The following FUT9 variants were observed in gnomAD, a reference collection of about 807,000 sequenced individuals.
FUT9 encodes fucosyltransferase 9.
Under a neutral mutation model 29.7 loss-of-function variants are expected in FUT9, and 15 were observed. That is an observed-to-expected ratio of 0.51 (90% CI 0.34 to 0.78). FUT9 has a LOEUF of 0.78. FUT9 is among the 30% of genes least tolerant of loss of function. The probability of loss-of-function intolerance (pLI) is 0.01; values close to 1 mark genes in which losing one functional copy is unlikely to be tolerated. For missense variants in FUT9, 319 were observed against 425.4 expected (o/e 0.75, Z 2.20); for synonymous variants, 169 against 153.7 (o/e 1.10, Z -0.74).
chr6:96,032,791 C>T (rs891078449), intron 1 of FUT9, among the ~76,000 whole-genome samples: 2 of 151,570 alleles, frequency 1.3e-5, no homozygotes, highest in African/African-American at 4.8e-5. Flanking sequence ...GTGTTTCAGG[C>T]TCCTGATTTA....
rs186012786 is a variant in FUT9, at chr6:96,117,800, T to C, written c.-9+3673T>C. Among the ~76,000 whole-genome samples, 716 of 152,342 alleles carry C rather than the reference T, an allele frequency of 4.7e-3. 6 individuals are homozygous for C. Among genetic ancestry groups the C allele is most frequent in the Non-Finnish European group, 7.4e-3 (500 of 68,022 alleles). ...TCAATTTCCAGAAATAATCAAGCTC[T>C]TTCTCTTAATTTAAATAAAATTCTG... On this transcript the variant is annotated intron_variant, in intron 2 of 2. Coordinates refer to ENST00000302103, the MANE Select transcript of FUT9 (RefSeq NM_006581.4).
rs895176788 is a variant in FUT9, at chr6:96,154,517, T to C, written c.-9+40390T>C. Among the ~76,000 whole-genome samples the C allele has an allele frequency of 3.9e-5, 6 of 152,160 alleles. 1 individual carries two copies. The highest frequency in any genetic ancestry group is 2.6e-4 in the Admixed American group (4 of 15,268). On this transcript the variant is annotated intron_variant, in intron 2 of 2. Coordinates refer to ENST00000302103, the MANE Select transcript of FUT9 (RefSeq NM_006581.4). The stretch of plus-strand genomic sequence containing the variant: ...GTGAGACAGAATGTACATCTTAAAC[T>C]CTCTCAAGGAAAGTAAATGTATTAA...
intron 1 of FUT9, among the ~76,000 whole-genome samples, chr6:96,065,968 C>T (rs1770955214): frequency 6.6e-6 from 1 of 152,136 alleles, no homozygotes. Context: ...AAGTAGGATA[C>T]ATTTATCAAG....
intron 1 of FUT9, among the ~76,000 whole-genome samples, chr6:96,038,848 C>A (rs148474898): frequency 6.6e-6 from 1 of 152,172 alleles, no homozygotes; most frequent in African/African-American, 2.4e-5. Context: ...CTTCTTTGCA[C>A]CATCTACATG....
chr6:96,053,653 G>C (rs900592806), intron 1 of FUT9, among the ~76,000 whole-genome samples: 1 of 152,082 alleles, frequency 6.6e-6, no homozygotes, highest in Admixed American at 6.5e-5. Flanking sequence ...AGTTTGCAGT[G>C]AGCCGAGATC....
chr6:96,016,416 T>G (rs903122873), intron 1 of FUT9, among the ~76,000 whole-genome samples: 4 of 152,124 alleles, frequency 2.6e-5, no homozygotes. Flanking sequence ...CTCTCCGTCT[T>G]GGGGACAGCT....
chr6:96,204,775 G>A lies in FUT9; in HGVS notation c.*540G>A, dbSNP rs1773796864. 1 of 166,686 alleles carries A rather than the reference G, an allele frequency of 6.0e-6. No homozygotes were observed. The highest frequency in any genetic ancestry group is 1.5e-5 in the Non-Finnish European group (1 of 68,070). The allele number at this position is 166,686 out of a possible 1,614,324, so 10.3% of individuals were successfully genotyped here. ...TTTACCTGTTTATCACATTTGTGAA[G>A]GTGAAATTATTCATGGAGTGAATAA... On this transcript the variant is annotated 3_prime_UTR_variant, in exon 3 of 3. Coordinates refer to ENST00000302103, the MANE Select transcript of FUT9 (RefSeq NM_006581.4).
At chr6:96,110,667 C>T (rs994975412) in intron 1 of FUT9, among the ~76,000 whole-genome samples, 12 of 150,414 alleles carry the variant, frequency 8.0e-5, no homozygotes, top group Non-Finnish European at 1.3e-4. Flanking sequence ...AGGCTTTTTT[C>T]CTATTGTGCA....
At chr6:96,107,208 T>A (rs1011655398) in intron 1 of FUT9, among the ~76,000 whole-genome samples, 1 of 152,142 alleles carries the variant, frequency 6.6e-6, no homozygotes, top group Non-Finnish European at 1.5e-5. Flanking sequence ...TTCATACATG[T>A]CTTAAAACTT....
intron 1 of FUT9, among the ~76,000 whole-genome samples, chr6:96,086,455 T>C (rs1033862258): frequency 2.6e-5 from 4 of 152,212 alleles, no homozygotes; most frequent in African/African-American, 7.2e-5. Context: ...AATTTTGATA[T>C]AGTGAATCAA....
chr6:96,127,294 T>C (rs963347103), intron 2 of FUT9, among the ~76,000 whole-genome samples: 2 of 152,172 alleles, frequency 1.3e-5, no homozygotes, highest in African/African-American at 4.8e-5. Flanking sequence ...ACATGATACT[T>C]AGTTTCTTGT....
At chr6:96,082,196 AT>A (rs1161481165) in intron 1 of FUT9, among the ~76,000 whole-genome samples, 1 of 151,434 alleles carries the variant, frequency 6.6e-6, no homozygotes, top group East Asian at 1.9e-4. Flanking sequence ...TTGAGTTTGG[AT>A]TTTTTTTATT....
chr6:96,135,871 G>A (rs1443720546), intron 2 of FUT9, among the ~76,000 whole-genome samples: 1 of 151,190 alleles, frequency 6.6e-6, no homozygotes. Context: ...TAAGAAAGTG[G>A]GAAGCAAACA....
Position 96,211,794 on chromosome 6 carries a change from T to G in FUT9, c.*7559T>G. ...AGAATGATATTCAAAATAGTATTTT[T>G]AAGTAGTTTCTAATTGTGTTCCTTT... On this transcript the variant is annotated 3_prime_UTR_variant, in exon 3 of 3. Coordinates refer to ENST00000302103, the MANE Select transcript of FUT9 (RefSeq NM_006581.4). 1 of 271,298 alleles carries G rather than the reference T, an allele frequency of 3.7e-6. No homozygotes were observed. Among genetic ancestry groups the G allele is most frequent in the Non-Finnish European group, 7.3e-6 (1 of 137,512 alleles). The allele number at this position is 271,298 out of a possible 1,614,324, so 16.8% of individuals were successfully genotyped here. A position where few individuals can be genotyped will look rare whatever the true frequency, so the allele number is the denominator to read the frequency against.
intron 1 of FUT9, among the ~76,000 whole-genome samples, chr6:96,079,669 C>A (rs1047689957): frequency 3.9e-5 from 6 of 151,954 alleles, no homozygotes; most frequent in African/African-American, 1.5e-4. Flanking sequence ...GGATAATAAT[C>A]CTATTGTTCT....
chr6:96,037,611 T>G lies in FUT9; in HGVS notation c.-98+21399T>G, dbSNP rs76740544. ...GGCAGCAAAAATGGAATTTAAAGATTAACCCTTGAGACTAATCTTTTTCTG... is the reference window on the plus strand; with the variant it reads ...GGCAGCAAAAATGGAATTTAAAGATGAACCCTTGAGACTAATCTTTTTCTG... On this transcript the variant is annotated intron_variant, in intron 1 of 2. Coordinates refer to ENST00000302103, the MANE Select transcript of FUT9 (RefSeq NM_006581.4). Among the ~76,000 whole-genome samples, 15 of 152,086 alleles carry G rather than the reference T, an allele frequency of 9.9e-5. No homozygotes were observed. The East Asian group carries it at 2.9e-3, about 29-fold the overall frequency.
At chr6:96,192,539 G>C (rs1350053589) in intron 2 of FUT9, among the ~76,000 whole-genome samples, 1 of 151,956 alleles carries the variant, frequency 6.6e-6, no homozygotes, top group Non-Finnish European at 1.5e-5. Flanking sequence ...ACCACTGCTT[G>C]ACGAAATAAA....
intron 2 of FUT9, among the ~76,000 whole-genome samples, chr6:96,131,375 T>C (rs976808247): frequency 2.6e-5 from 4 of 152,108 alleles, no homozygotes; most frequent in African/African-American, 9.7e-5. Context: ...ATTTATATTG[T>C]AAGTGGTTGC....
At chr6:96,190,199 GA>G (rs1773479905) in intron 2 of FUT9, among the ~76,000 whole-genome samples, 1 of 152,242 alleles carries the variant, frequency 6.6e-6, no homozygotes, top group South Asian at 2.1e-4. Flanking sequence ...ATTCTGGGTT[GA>G]AAATTCTTTT....
Sources: allele counts gnomAD v4.1 joint callset (sites outside exome capture counted in the v4.1 genomes callset), GRCh38; gene constraint gnomAD v4.1.1; transcripts MANE v1.5; gene names NCBI Gene and HGNC (gene_info 2026-07-23, HGNC 2026-07-21).